NALF1: variants seen among roughly 807,000 people sequenced by gnomAD.
NALF1 encodes family with sequence similarity 155 member A.
In NALF1, 3 loss-of-function variants were observed where a neutral mutation model predicts 48.4. That is an observed-to-expected ratio of 0.06 (90% CI 0.03 to 0.16). The LOEUF (loss-of-function observed/expected upper bound fraction) is 0.16. Among genes scored for constraint, NALF1 ranks in the 10% least tolerant of loss-of-function variants. The probability of loss-of-function intolerance (pLI) is 1.00; values close to 1 mark genes in which losing one functional copy is unlikely to be tolerated. For synonymous variants in NALF1, 262 were observed against 245.7 expected, an observed-to-expected ratio of 1.07 and a Z score of -0.62; for missense variants, 526 against 571.5, an observed-to-expected ratio of 0.92 and a Z score of 0.81.
In NALF1 at chr13:107,588,512, C is replaced by T. The variant is rs189838284; in HGVS notation, c.915+277170G>A. 6.4e-3 allele frequency among the ~76,000 whole-genome samples: 976 copies of T among 152,048 alleles called. 4 individuals carry two copies. Among genetic ancestry groups the T allele is most frequent in the Non-Finnish European group, 0.01 (682 of 67,960 alleles). On this transcript the variant is annotated intron_variant, in intron 1 of 2. Transcript: ENST00000375915. ...CTGCAATTATGAGGGTTTGGGCATA[C>T]GTGAAAGACAGAATGAAGTCATCAA...
At chr13:107,329,282 A>G (rs1307259847) in intron 1 of NALF1, among the ~76,000 whole-genome samples, 4 of 152,234 alleles carry the variant, frequency 2.6e-5, no homozygotes, top group Non-Finnish European at 4.4e-5. Context: ...TTAATAACAA[A>G]GATTAAAATC....
chr13:107,288,233 T>TC (rs1193689169), intron 1 of NALF1, among the ~76,000 whole-genome samples: 2 of 150,344 alleles, frequency 1.3e-5, no homozygotes, highest in African/African-American at 4.9e-5. Context: ...TTTTTTTTTT[T>TC]TTTTGAGACG....
chr13:107,783,305 A>T (rs1414294183), intron 1 of NALF1, among the ~76,000 whole-genome samples: 1 of 97,952 alleles, frequency 1.0e-5, no homozygotes, highest in East Asian at 4.4e-4. Flanking sequence ...CTGCCCGGCC[A>T]CCCCTACTGG....
intron 1 of NALF1, among the ~76,000 whole-genome samples, chr13:107,229,627 A>C (rs1880178411): frequency 6.6e-6 from 1 of 152,268 alleles, no homozygotes; most frequent in Admixed American, 6.5e-5. Flanking sequence ...TATCGAGAGA[A>C]AGCAGCACCC....
At chr13:107,750,856 T>A (rs1876917602) in intron 1 of NALF1, among the ~76,000 whole-genome samples, 1 of 152,114 alleles carries the variant, frequency 6.6e-6, no homozygotes, top group Non-Finnish European at 1.5e-5. Flanking sequence ...TACACTAACC[T>A]CCAACTGCCC....
At chr13:107,475,335 T>C (rs2139055988) in intron 1 of NALF1, among the ~76,000 whole-genome samples, 1 of 152,338 alleles carries the variant, frequency 6.6e-6, no homozygotes, top group Middle Eastern at 3.4e-3. Flanking sequence ...CTGTATTTTA[T>C]ACTATCTTCT....
intron 1 of NALF1, among the ~76,000 whole-genome samples, chr13:107,551,643 T>C (rs1877297769): frequency 6.6e-6 from 1 of 152,118 alleles, no homozygotes. Context: ...ATAATCATAA[T>C]CTGAGGAGTG....
chr13:107,330,972 C>T (rs772254552), intron 1 of NALF1, among the ~76,000 whole-genome samples: 12 of 152,102 alleles, frequency 7.9e-5, no homozygotes, highest in Non-Finnish European at 1.3e-4. Context: ...TTGACTATAA[C>T]CTGTTTCATG....
chr13:107,545,009 T>A (rs1267063434), intron 1 of NALF1, among the ~76,000 whole-genome samples: 1 of 152,124 alleles, frequency 6.6e-6, no homozygotes, highest in Non-Finnish European at 1.5e-5. Flanking sequence ...ACACACAGTT[T>A]TGTTCTGCGT....
At chr13:107,250,250 T>G (rs914306826) in intron 1 of NALF1, among the ~76,000 whole-genome samples, 1 of 152,182 alleles carries the variant, frequency 6.6e-6, no homozygotes, top group Non-Finnish European at 1.5e-5. Context: ...ATTTGAGAGA[T>G]ATTTTCACTG....
At chr13:107,761,731 A>G (rs971951089) in intron 1 of NALF1, among the ~76,000 whole-genome samples, 1 of 152,224 alleles carries the variant, frequency 6.6e-6, no homozygotes, top group African/African-American at 2.4e-5. Context: ...GGGTTCCAAC[A>G]CATCAAACAA....
chr13:107,210,281 T>G (rs1216563334), intron 2 of NALF1, among the ~76,000 whole-genome samples: 1 of 152,222 alleles, frequency 6.6e-6, no homozygotes, highest in Non-Finnish European at 1.5e-5. Flanking sequence ...AGGCTGAATC[T>G]AACCTATACT....
rs553423684 is a variant in NALF1 at position 107,372,682 on chromosome 13, A to G, written c.916-161927T>C. On this transcript the variant is annotated intron_variant, in intron 1 of 2. Coordinates refer to ENST00000375915, the MANE Select transcript of NALF1 (RefSeq NM_001080396.3). ...AAGATCTTCAATTAGATAAGATAAT[A>G]GAAAACATTTGGTGATAGATCAATG... 2.6e-5 allele frequency among the ~76,000 whole-genome samples: 4 copies of G among 152,366 alleles called. No individual in the cohort carries two copies. In the East Asian group the frequency reaches 7.7e-4, roughly 29 times the overall value.
chr13:107,360,767 T>G (rs532851258), intron 1 of NALF1, among the ~76,000 whole-genome samples: 1 of 152,212 alleles, frequency 6.6e-6, no homozygotes, highest in Non-Finnish European at 1.5e-5. Flanking sequence ...TTTAAATAGC[T>G]TGTTCAAACT....
At chr13:107,172,730 G>A (rs1305494487) in intron 2 of NALF1, among the ~76,000 whole-genome samples, 1 of 151,994 alleles carries the variant, frequency 6.6e-6, no homozygotes, top group African/African-American at 2.4e-5. Context: ...AACAAAAGGA[G>A]TTTACAATAA....
chr13:107,340,489 T>TTTC (rs1566489753), intron 1 of NALF1, among the ~76,000 whole-genome samples: 1 of 57,126 alleles, frequency 1.8e-5, no homozygotes, highest in Non-Finnish European at 5.3e-5. Context: ...TTCTTTCTTT[T>TTTC]TGTCTTTCTT....
At chr13:107,214,442 C>A (rs1879830829) in intron 1 of NALF1, among the ~76,000 whole-genome samples, 1 of 152,072 alleles carries the variant, frequency 6.6e-6, no homozygotes, top group Admixed American at 6.5e-5. Context: ...TGTGTCACTG[C>A]AGAGTATAAA....
intron 1 of NALF1, among the ~76,000 whole-genome samples, chr13:107,289,690 G>A (rs995925404): frequency 4.6e-5 from 7 of 152,096 alleles, no homozygotes; most frequent in Non-Finnish European, 8.8e-5. Flanking sequence ...TGAAATCCAC[G>A]AGTCTCCATC....
At chr13:107,714,993 C>CATTTTTGAATTTTTTT (rs1173156214) in intron 1 of NALF1, among the ~76,000 whole-genome samples, 3 of 151,726 alleles carry the variant, frequency 2.0e-5, no homozygotes, top group Non-Finnish European at 4.4e-5. Context: ...CATTTTCTCT[C>CATTTTTGAATTTTTTT]ATTTTTGAAT....
Sources: allele counts gnomAD v4.1 joint callset (sites outside exome capture counted in the v4.1 genomes callset), GRCh38; gene constraint gnomAD v4.1.1; transcripts MANE v1.5; gene names NCBI Gene and HGNC (gene_info 2026-07-23, HGNC 2026-07-21).